The following NYNRIN variants were observed in gnomAD, a reference collection of about 807,000 sequenced individuals.
NYNRIN encodes NYN domain and retroviral integrase containing, also known as protein NYNRIN.
In NYNRIN, 86 loss-of-function variants were observed where a neutral mutation model predicts 146.6. The ratio of observed to expected loss-of-function variants is 0.59; its 90% CI spans 0.49 to 0.70. The LOEUF is 0.70. Ranked by LOEUF, NYNRIN falls within the 30% of genes least tolerant of loss-of-function variation. The pLI is 0.00. For synonymous variants in NYNRIN, 1,027 were observed against 1,001.3 expected (o/e 1.03, Z -0.48); for missense variants, 2,191 against 2,377.7 (o/e 0.92, Z 1.63).
chr14:24,416,923 C>A lies in NYNRIN; in HGVS notation c.5174C>A (p.Ala1725Asp), dbSNP rs771924412. The A allele has an allele frequency of 1.3e-6, 2 of 1,597,384 alleles. No homozygotes were observed. Among genetic ancestry groups the A allele is most frequent in the Non-Finnish European group, 1.7e-6 (2 of 1,170,402 alleles). Residue 1725 changes from alanine to aspartate, a missense_variant, in exon 9 of 9, where the codon GCC (alanine) becomes GAC (aspartate). Ala to Asp is a moderately radical substitution (Grantham distance 126). Transcript: ENST00000382554. The part of the protein sequence containing the change: ...SSGAYWEFKR[A>D]LKEFIFLHGK... ...GGGGCCTACTGGGAATTCAAGAGGGCCCTCAAGGAGTTCATCTTCCTGCAT... is the reference window on the plus strand; with the variant it reads ...GGGGCCTACTGGGAATTCAAGAGGGACCTCAAGGAGTTCATCTTCCTGCAT...
In NYNRIN at chr14:24,415,301, C is replaced by T; in HGVS notation, c.3552C>T (p.His1184=). ...ATCAGGAGCACTCAGGGAGGAAGCACCCCATAGCCTATACCTCAAAACCCC... is the reference window on the plus strand; with the variant it reads ...ATCAGGAGCACTCAGGGAGGAAGCATCCCATAGCCTATACCTCAAAACCCC... ...ILHQEHSGRK[H]PIAYTSKPLL... is the part of the protein sequence containing the mutation. Residue 1184 remains histidine (H), a synonymous_variant, in exon 9 of 9, where the codon CAC becomes CAT. Transcript: ENST00000382554. 1.2e-6 allele frequency: 2 copies of T among 1,613,974 alleles called. No individual in the cohort carries two copies. Among genetic ancestry groups the T allele is most frequent in the African/African-American group, 1.3e-5 (1 of 75,042 alleles).
intron 2 of NYNRIN, among the ~76,000 whole-genome samples, chr14:24,399,876 C>G (rs555771009): frequency 5.9e-5 from 9 of 152,298 alleles, no homozygotes; most frequent in Admixed American, 4.6e-4. Context: ...CTTCTGTCTC[C>G]TTTTAAGTCT....
Position 24,408,275 on chromosome 14 carries a change from T to A in NYNRIN, c.605T>A (p.Ile202Asn). The A allele has an allele frequency of 6.2e-7, 1 of 1,611,702 alleles. No individual in the cohort carries two copies. The change falls in exon 3 of 9, where the codon ATC (isoleucine) becomes AAC (asparagine). Residue 202 changes from isoleucine (I) to asparagine (N), a missense_variant. Coordinates refer to ENST00000382554, the MANE Select transcript of NYNRIN (RefSeq NM_025081.3). ...CGGGATGCTGCGGGCAAGGAAGACATCATCGAGTGGCTCAGCCGCTTCGGC... is the reference window on the plus strand; with the variant it reads ...CGGGATGCTGCGGGCAAGGAAGACAACATCGAGTGGCTCAGCCGCTTCGGC... ...LVRDAAGKED[I>N]IEWLSRFGIS...
intron 2 of NYNRIN, among the ~76,000 whole-genome samples, chr14:24,402,396 G>A (rs2046578228): frequency 6.6e-6 from 1 of 152,122 alleles, no homozygotes. Context: ...AGAGAAGAGA[G>A]GTGACCACTG....
intron 8 of NYNRIN, among the ~76,000 whole-genome samples, 162 bp downstream of exon 8, chr14:24,413,579 A>G (rs1225235632): frequency 3.3e-5 from 5 of 152,232 alleles, no homozygotes; most frequent in Non-Finnish European, 7.3e-5. Context: ...TAAACCACTT[A>G]CAGTAGGTTT....
Position 24,418,285 on chromosome 14 carries a change from G to C in NYNRIN, c.*839G>C, listed in dbSNP as rs966802573. 2.2e-5 allele frequency: 10 copies of C among 456,260 alleles called. No homozygotes were observed. The highest frequency in any genetic ancestry group is 4.0e-5 in the Non-Finnish European group (9 of 226,836). 28.3% of individuals were successfully genotyped at this position (456,260 alleles called of 1,614,324 possible). ...AAGAGCTGCTTCTGTTAGACCCAGG[G>C]GCCCCGGCCTCTGTTTTAAGGGGGC... is the stretch of plus-strand genomic sequence containing the variant. On this transcript the variant is annotated 3_prime_UTR_variant, in exon 9 of 9. Coordinates refer to ENST00000382554, the MANE Select transcript of NYNRIN (RefSeq NM_025081.3).
rs1208524247 is a variant in NYNRIN at position 24,408,179 on chromosome 14, G to A, written c.509G>A (p.Arg170His). Residue 170 changes from arginine to histidine, a missense_variant, in exon 3 of 9, where the codon CGT becomes CAT. Arg to His is a conservative substitution (Grantham distance 29). This residue lies in a region of NYNRIN where 895 missense variants were observed against 941.2 expected (regional missense o/e 0.95). Transcript: ENST00000382554. ...TRAFGALVWI[R>H]GDQHAGDLLQ... ...GCCTTTGGGGCCCTGGTCTGGATCC[G>A]TGGTGACCAGCATGCAGGGGACCTA... is the stretch of plus-strand genomic sequence containing the variant. The A allele has an allele frequency of 1.2e-5, 20 of 1,600,574 alleles. No individual in the cohort carries two copies. The highest frequency in any genetic ancestry group is 1.6e-4 in the Middle Eastern group (1 of 6,070).
At chr14:24,414,528 G>A in intron 8 of NYNRIN, 68 bp from the exon 9 acceptor site, 1 of 1,448,132 alleles carries the variant, frequency 6.9e-7, no homozygotes. Context: ...TTTCCACAGA[G>A]GTGCTTTCCC....
At chr14:24,402,723 C>T (rs2057322) in intron 2 of NYNRIN, among the ~76,000 whole-genome samples, 8,728 of 152,180 alleles carry the variant, frequency 0.057, 638 homozygotes, top group East Asian at 0.26. Flanking sequence ...AGGTTACCCC[C>T]CACCCCCAGC....
At chr14:24,410,994 G>A (rs1293444255) in intron 4 of NYNRIN, 82 bp from the exon 5 acceptor site, 2 of 1,542,646 alleles carry the variant, frequency 1.3e-6, no homozygotes, top group Non-Finnish European at 1.8e-6. Flanking sequence ...CTTGGTGCTG[G>A]CATTGCTTGC....
intron 2 of NYNRIN, 81 bp downstream of exon 2, chr14:24,399,525 C>A: frequency 7.9e-7 from 1 of 1,268,376 alleles, no homozygotes; most frequent in Non-Finnish European, 1.1e-6. Context: ...TGGTGGTCCG[C>A]AGAGACACCA....
Position 24,417,355 on chromosome 14 carries a change from C to G in NYNRIN, c.5606C>G (p.Pro1869Arg). ...SLYRIWGFPT[P>R]EKLGCIYPSS... Reference sequence around the variant, plus strand: ...TATAGGATATGGGGCTTCCCAACCCCAGAGAAGCTGGGGTGCATCTATCCC... The same window carrying G: ...TATAGGATATGGGGCTTCCCAACCCGAGAGAAGCTGGGGTGCATCTATCCC... Residue 1869 changes from proline to arginine, a missense_variant, in exon 9 of 9, where the codon CCA becomes CGA. This residue lies in a region of NYNRIN where 1,291 missense variants were observed against 1,417.0 expected (regional missense o/e 0.91). Coordinates refer to ENST00000382554, the MANE Select transcript of NYNRIN (RefSeq NM_025081.3). 6.3e-7 allele frequency: 1 copy of G among 1,599,412 alleles called. No homozygotes were observed. The highest frequency in any genetic ancestry group is 8.5e-7 in the Non-Finnish European group (1 of 1,171,772).
chr14:24,400,634 A>C (rs748891409), intron 2 of NYNRIN, among the ~76,000 whole-genome samples: 1 of 152,112 alleles, frequency 6.6e-6, no homozygotes, highest in Non-Finnish European at 1.5e-5. Flanking sequence ...CCCAAAGAAC[A>C]TATGTACTGG....
At position 24,409,053 on chromosome 14, in the gene NYNRIN, A is replaced by T. The variant is rs201508215; in HGVS notation, c.1259A>T (p.Glu420Val). 5.5e-4 allele frequency: 883 copies of T among 1,613,484 alleles called. No homozygotes were observed. Among genetic ancestry groups the T allele is most frequent in the Non-Finnish European group, 7.2e-4 (846 of 1,179,702 alleles). The change falls in exon 4 of 9, where the codon GAG (glutamate) becomes GTG (valine). Residue 420 changes from glutamate to valine, a missense_variant. Transcript: ENST00000382554. Reference protein sequence around the residue: ...LPLNLEWKQKELAPLPSAESP... With the variant: ...LPLNLEWKQKVLAPLPSAESP... ...TTAAATCTGGAGTGGAAGCAGAAGG[A>T]GCTGGCTCCTCTGCCTAGTGCAGAA... is the stretch of plus-strand genomic sequence containing the variant.
chr14:24,408,341 C>T lies in NYNRIN; in HGVS notation c.671C>T (p.Pro224Leu), dbSNP rs1449993834. 2.1e-5 allele frequency: 34 copies of T among 1,613,816 alleles called. No individual in the cohort carries two copies. The highest frequency in any genetic ancestry group is 2.5e-5 in the Non-Finnish European group (29 of 1,179,886). Reference sequence around the variant, plus strand: ...TCCGATCCGGAGGTTCTAATCTGCCCTCCCCAGCAGCAGAAGGAAGCCCCA... The same window carrying T: ...TCCGATCCGGAGGTTCTAATCTGCCTTCCCCAGCAGCAGAAGGAAGCCCCA... ...SHSDPEVLIC[P>L]PQQQKEAPAM... Residue 224 changes from proline (P) to leucine (L), a missense_variant, in exon 3 of 9, where the codon CCT (proline) becomes CTT (leucine). Pro to Leu is a moderately conservative substitution (Grantham distance 98). Around this residue, in one of 3 missense-constraint regions of NYNRIN, gnomAD observed 895 missense variants for 941.2 expected, o/e 0.95. Coordinates refer to ENST00000382554, the MANE Select transcript of NYNRIN (RefSeq NM_025081.3).
At position 24,416,675 on chromosome 14, in the gene NYNRIN, C is replaced by G; in HGVS notation, c.4926C>G (p.Asn1642Lys). The change falls in exon 9 of 9, where the codon AAC (asparagine) becomes AAG (lysine). Residue 1642 changes from asparagine (N) to lysine (K), a missense_variant. Asn to Lys is a moderately conservative substitution (Grantham distance 94). Transcript: ENST00000382554. ...HKHVLIVADPNTRWVEAFPLK... is the reference protein window; with the variant it reads ...HKHVLIVADPKTRWVEAFPLK... ...ATGTACTTATTGTGGCTGACCCAAA[C>G]ACCAGGTGGGTGGAGGCATTCCCCC... is the stretch of plus-strand genomic sequence containing the variant. The G allele has an allele frequency of 6.2e-7, 1 of 1,613,936 alleles. No homozygotes were observed. The highest frequency in any genetic ancestry group is 1.1e-5 in the South Asian group (1 of 91,082).
In NYNRIN at chr14:24,415,252, A is replaced by C; in HGVS notation, c.3503A>C (p.His1168Pro). The C allele has an allele frequency of 6.2e-7, 1 of 1,613,746 alleles. No individual in the cohort carries two copies. Among genetic ancestry groups the C allele is most frequent in the Non-Finnish European group, 8.5e-7 (1 of 1,179,850 alleles). ...TTCCGCCTGGAGGTGACCGTGAGCC[A>C]CGTGGCCCTGACGGCCATCCTCCAT... Reference protein sequence around the residue: ...LPFRLEVTVSHVALTAILHQE... With the variant: ...LPFRLEVTVSPVALTAILHQE... The change falls in exon 9 of 9, where the codon CAC becomes CCC. Residue 1168 changes from histidine (H) to proline (P), a missense_variant. His to Pro is a moderately conservative substitution (Grantham distance 77). Coordinates refer to ENST00000382554, the MANE Select transcript of NYNRIN (RefSeq NM_025081.3).
rs60957474 is a variant in NYNRIN at position 24,418,477 on chromosome 14, C to A, written c.*1031C>A. 3,631 of 345,102 alleles carry A rather than the reference C, an allele frequency of 0.011. 124 individuals are homozygous for A. Among genetic ancestry groups the A allele is most frequent in the African/African-American group, 0.072 (3,319 of 45,964 alleles). 21.4% of individuals were successfully genotyped at this position (345,102 alleles called of 1,614,324 possible). ...TGTGATTGCTTCATCTGTATCACCC[C>A]CCGAGTCCTGTGGACCTGCCTTCTG... On this transcript the variant is annotated 3_prime_UTR_variant, in exon 9 of 9. Coordinates refer to ENST00000382554, the MANE Select transcript of NYNRIN (RefSeq NM_025081.3).
chr14:24,416,650 A>G lies in NYNRIN; in HGVS notation c.4901A>G (p.His1634Arg). ...ACCATAAGTGAGGAGGGCCATAAGC[A>G]TGTACTTATTGTGGCTGACCCAAAC... The part of the protein sequence containing the change: ...PVTISEEGHK[H>R]VLIVADPNTR... The change falls in exon 9 of 9, where the codon CAT (histidine) becomes CGT (arginine). Residue 1634 changes from histidine (H) to arginine (R), a missense_variant. Coordinates refer to ENST00000382554, the MANE Select transcript of NYNRIN (RefSeq NM_025081.3). 6.2e-7 allele frequency: 1 copy of G among 1,613,922 alleles called. No individual in the cohort carries two copies. The highest frequency in any genetic ancestry group is 8.5e-7 in the Non-Finnish European group (1 of 1,179,872).
Sources: gnomAD v4.1 joint callset for allele counts (sites outside exome capture counted in the v4.1 genomes callset) on GRCh38, gnomAD v4.1.1 for gene constraint, gnomAD v4.1.1 regional missense constraint, MANE v1.5 for transcripts, NCBI Gene and HGNC (gene_info 2026-07-23, HGNC 2026-07-21) for gene names.